The following CYRIA variants were observed in gnomAD, a reference collection of about 807,000 sequenced individuals.
CYRIA encodes CYFIP related Rac1 interactor A.
CYRIA carries 15 observed loss-of-function variants against 43.9 expected under a neutral mutation model. The ratio of observed to expected loss-of-function variants is 0.34; its 90% CI spans 0.23 to 0.53. CYRIA has a LOEUF of 0.53. CYRIA is among the 20% of genes least tolerant of loss of function. The probability of loss-of-function intolerance (pLI) is 0.94; values close to 1 mark genes in which losing one functional copy is unlikely to be tolerated. For missense variants in CYRIA, 236 were observed against 394.2 expected (o/e 0.60, Z 3.40); for synonymous variants, 117 against 136.0 (o/e 0.86, Z 0.97).
chr2:16,572,319 C>T (rs970371940), intron 3 of CYRIA, among the ~76,000 whole-genome samples: 49 of 146,058 alleles, frequency 3.4e-4, no homozygotes, highest in Admixed American at 7.3e-4. Context: ...AGCAAAAGTG[C>T]CAAAAAATGA....
In CYRIA at chr2:16,662,213, G is replaced by C. The variant is rs563002743; in HGVS notation, c.-167+3567C>G. On this transcript the variant is annotated intron_variant, in intron 1 of 11. Transcript: ENST00000381323. ...TTTTTAACCTTCTCAGATAATGAAT[G>C]GATCTCCAAAGGCTAGAATTCATCC... Among the ~76,000 whole-genome samples the C allele has an allele frequency of 4.6e-5, 7 of 152,270 alleles. No homozygotes were observed. In the South Asian group the frequency reaches 1.2e-3, roughly 27 times the overall value.
chr2:16,561,417 G>A (rs1666727304), intron 7 of CYRIA, 39 bp downstream of exon 7: 1 of 1,580,620 alleles, frequency 6.3e-7, no homozygotes, highest in African/African-American at 1.3e-5. Flanking sequence ...AAAGAGTCAT[G>A]GAGAAGGGTG....
At chr2:16,653,619 T>A (rs1289558681) in intron 1 of CYRIA, among the ~76,000 whole-genome samples, 1 of 152,168 alleles carries the variant, frequency 6.6e-6, no homozygotes, top group Non-Finnish European at 1.5e-5. Context: ...AGTTTGTGTG[T>A]TTGGTTTACT....
At chr2:16,573,419 C>T (rs997499231) in intron 3 of CYRIA, among the ~76,000 whole-genome samples, 7 of 152,194 alleles carry the variant, frequency 4.6e-5, no homozygotes, top group Non-Finnish European at 8.8e-5. Flanking sequence ...AAATATTCTA[C>T]ATTTCCAAAG....
intron 11 of CYRIA, 30 bp from the exon 12 acceptor site, chr2:16,553,029 C>T (rs376429680): frequency 9.7e-5 from 133 of 1,376,970 alleles, no homozygotes; most frequent in African/African-American, 4.0e-4. Flanking sequence ...TAGAGGTTAG[C>T]GGCAAACAGT....
chr2:16,576,857 T>C (rs531580463), intron 3 of CYRIA, among the ~76,000 whole-genome samples: 2 of 152,288 alleles, frequency 1.3e-5, no homozygotes, highest in Non-Finnish European at 2.9e-5. Context: ...AATCCTGCCA[T>C]ATGCAACAAC....
chr2:16,650,506 A>C lies in CYRIA; in HGVS notation c.-167+15274T>G, dbSNP rs972576518. ...ATCAGGGATGATGCAACAACAGACC[A>C]AGAGGCCTACAATAGAACAAATGCA... On this transcript the variant is annotated intron_variant, in intron 1 of 11. Coordinates refer to ENST00000381323, the MANE Select transcript of CYRIA (RefSeq NM_030797.4). The surrounding 1 kb of genome is among the most constrained non-coding windows in gnomAD (Gnocchi z 4.1). Among the ~76,000 whole-genome samples the C allele has an allele frequency of 1.3e-5, 2 of 152,258 alleles. No homozygotes were observed. The highest frequency in any genetic ancestry group is 4.8e-5 in the African/African-American group (2 of 41,470).
chr2:16,581,448 A>G (rs992172190), intron 3 of CYRIA, among the ~76,000 whole-genome samples: 2 of 152,170 alleles, frequency 1.3e-5, no homozygotes, highest in African/African-American at 4.8e-5. Context: ...TGACAATACC[A>G]AATGTTGGAG....
intron 1 of CYRIA, among the ~76,000 whole-genome samples, chr2:16,645,346 T>C (rs895448605): frequency 3.3e-5 from 5 of 152,198 alleles, no homozygotes; most frequent in African/African-American, 1.2e-4. Flanking sequence ...TTCAACTCAG[T>C]CTGGAACTAG....
intron 2 of CYRIA, among the ~76,000 whole-genome samples, chr2:16,603,812 T>C (rs990955375): frequency 6.6e-6 from 1 of 152,228 alleles, no homozygotes; most frequent in African/African-American, 2.4e-5. Context: ...TTCTGACTAG[T>C]GGTTCCCAAG....
intron 1 of CYRIA, among the ~76,000 whole-genome samples, chr2:16,645,807 C>A (rs1453329391): frequency 6.6e-6 from 1 of 152,142 alleles, no homozygotes; most frequent in Non-Finnish European, 1.5e-5. Flanking sequence ...TTCATTTATA[C>A]TTTAATACAT....
At chr2:16,599,453 G>C (rs1192284377) in intron 2 of CYRIA, among the ~76,000 whole-genome samples, 2 of 76,654 alleles carry the variant, frequency 2.6e-5, no homozygotes, top group Non-Finnish European at 4.9e-5. Flanking sequence ...TTCTTAAGCC[G>C]GTCTGAAAAG....
intron 3 of CYRIA, among the ~76,000 whole-genome samples, chr2:16,587,632 C>T (rs879644027): frequency 3.9e-5 from 6 of 152,090 alleles, no homozygotes; most frequent in Admixed American, 3.9e-4. Flanking sequence ...TGAATTGTAG[C>T]TTCCATAATT....
At chr2:16,602,431 A>G (rs980695166) in intron 2 of CYRIA, among the ~76,000 whole-genome samples, 4 of 152,144 alleles carry the variant, frequency 2.6e-5, no homozygotes, top group African/African-American at 4.8e-5. Context: ...ACATATATTT[A>G]TATAATTTCA....
chr2:16,646,315 C>A (rs1345205133), intron 1 of CYRIA, among the ~76,000 whole-genome samples: 1 of 152,212 alleles, frequency 6.6e-6, no homozygotes, highest in Non-Finnish European at 1.5e-5. Flanking sequence ...CAAATATGAC[C>A]ATTTTCCATG....
chr2:16,604,118 C>T (rs978873408), intron 2 of CYRIA, among the ~76,000 whole-genome samples: 2 of 152,152 alleles, frequency 1.3e-5, no homozygotes, highest in Non-Finnish European at 2.9e-5. Flanking sequence ...TTTGTTTTAT[C>T]GTTAAGTCTG....
At chr2:16,633,459 G>A (rs1438504996) in intron 1 of CYRIA, among the ~76,000 whole-genome samples, 1 of 151,536 alleles carries the variant, frequency 6.6e-6, no homozygotes, top group Non-Finnish European at 1.5e-5. Flanking sequence ...TGTCACCCAG[G>A]CTGGAGTTCA....
rs1043185668 is a variant in CYRIA, at chr2:16,550,063, G to C, written c.*2873C>G. ...TGCACAACGAGTTTCTGAGAACACA[G>C]TAATAACGCCAAAGTAGCAGTGCAT... On this transcript the variant is annotated 3_prime_UTR_variant, in exon 12 of 12. Coordinates refer to ENST00000381323, the MANE Select transcript of CYRIA (RefSeq NM_030797.4). 1 of 149,438 alleles carries C rather than the reference G, an allele frequency of 6.7e-6. No individual in the cohort carries two copies. Among genetic ancestry groups the C allele is most frequent in the East Asian group, 2.0e-4 (1 of 5,064 alleles). The allele number at this position is 149,438 out of a possible 1,614,324, so 9.3% of individuals were successfully genotyped here.
intron 1 of CYRIA, among the ~76,000 whole-genome samples, chr2:16,643,453 G>A (rs116059741): frequency 3.4e-4 from 52 of 152,312 alleles, no homozygotes; most frequent in Non-Finnish European, 6.5e-4. Context: ...GCACTGCTGA[G>A]CCCAGACCTG....
Sources: gnomAD v4.1 joint callset for allele counts (sites outside exome capture counted in the v4.1 genomes callset) on GRCh38, gnomAD v4.1.1 for gene constraint, Gnocchi (gnomAD v3.1) non-coding constraint, MANE v1.5 for transcripts, NCBI Gene and HGNC (gene_info 2026-07-23, HGNC 2026-07-21) for gene names.